PHLDB1: variants seen among roughly 807,000 people sequenced by gnomAD.
PHLDB1 encodes the protein pleckstrin homology like domain family B member 1.
Under a neutral mutation model 139.3 loss-of-function variants are expected in PHLDB1, and 65 were observed. The ratio of observed to expected loss-of-function variants is 0.47; its 90% confidence interval spans 0.38 to 0.57. The LOEUF is 0.57. Ranked by LOEUF, PHLDB1 falls within the 20% of genes least tolerant of loss-of-function variation. PHLDB1 has a pLI of 0.00. For synonymous variants in PHLDB1, 679 were observed against 734.5 expected (o/e 0.92, Z 1.22); for missense variants, 1,624 against 1,839.7 (o/e 0.88, Z 2.14).
At chr11:118,629,413 A>G (rs1424869490) in intron 6 of PHLDB1, among the ~76,000 whole-genome samples, 1 of 152,196 alleles carries the variant, frequency 6.6e-6, no homozygotes, top group Non-Finnish European at 1.5e-5. Flanking sequence ...GATTCCCCAG[A>G]TAGCTCAGGG....
In PHLDB1 at chr11:118,638,987, C is replaced by G; in HGVS notation, c.2632C>G (p.Gln878Glu). 1 of 1,613,016 alleles carries G rather than the reference C, an allele frequency of 6.2e-7. No individual in the cohort carries two copies. Among genetic ancestry groups the G allele is most frequent in the Non-Finnish European group, 8.5e-7 (1 of 1,179,284 alleles). The change falls in exon 11 of 23, where the codon CAG becomes GAG. Residue 878 changes from glutamine to glutamate, a missense_variant. By Grantham distance (29) the Gln-to-Glu change is conservative. Transcript: ENST00000600882. ...GGCCCGGGACAAGAATGCCTCCTTA[C>G]AGCTGCTGCAAAAGGTAGGGTCCCT... ...RLARDKNASL[Q>E]LLQKEKEKLT...
rs1474480676 is a variant in PHLDB1, at chr11:118,624,919, T to C, written c.356-15T>C. On this transcript the variant is annotated splice_polypyrimidine_tract_variant and intron_variant, in intron 4 of 22. Coordinates refer to ENST00000600882, the MANE Select transcript of PHLDB1 (RefSeq NM_001144758.3). ...GCCACCACACCTGGTCTTCAAGTGT[T>C]TGCTTTCTCTGCAGGCTGCATGTTG... The C allele has an allele frequency of 7.4e-6, 12 of 1,613,934 alleles. No individual in the cohort carries two copies. The highest frequency in any genetic ancestry group is 9.3e-6 in the Non-Finnish European group (11 of 1,179,872).
rs1197413784 is a variant in PHLDB1, at chr11:118,607,629, C to CCTGAGGCCGCG, written c.-84_-83insGCGCTGAGGCC. The CCTGAGGCCGCG allele has an allele frequency of 1.3e-5, 2 of 152,152 alleles. No homozygotes were observed. Among genetic ancestry groups the CCTGAGGCCGCG allele is most frequent in the East Asian group, 3.9e-4 (2 of 5,174 alleles). 9.4% of individuals were successfully genotyped at this position (152,152 alleles called of 1,614,324 possible). ...GGAAAAGCAACGGTGTCCTCCTAAG[C>CCTGAGGCCGCG]CTGAGGCCACCGCGACCGAGCCGAG... On this transcript the variant is annotated 5_prime_UTR_variant, in exon 1 of 23. Coordinates refer to ENST00000600882, the MANE Select transcript of PHLDB1 (RefSeq NM_001144758.3).
chr11:118,614,370 T>C (rs1941154370), intron 2 of PHLDB1, among the ~76,000 whole-genome samples, 189 bp from the exon 3 acceptor site: 1 of 150,628 alleles, frequency 6.6e-6, no homozygotes, highest in Admixed American at 6.7e-5. Context: ...GATGAGTTAG[T>C]GGCCTAGATT....
intron 17 of PHLDB1, chr11:118,647,664 G>A (rs556335634): frequency 2.0e-4 from 64 of 323,630 alleles, no homozygotes; most frequent in Non-Finnish European, 3.2e-4. Context: ...CAGTGAGCGA[G>A]ATAAAAAAAA....
chr11:118,645,837 C>G lies in PHLDB1; in HGVS notation c.3507+12C>G, dbSNP rs782514356. The G allele has an allele frequency of 6.3e-7, 1 of 1,576,606 alleles. No homozygotes were observed. Among genetic ancestry groups the G allele is most frequent in the Non-Finnish European group, 8.7e-7 (1 of 1,146,320 alleles). ...TCATGGAGTCGAGGGTGAGTCTGAC[C>G]TGGATCGGGGAGGCAGAAGGTGTTG... On this transcript the variant is annotated intron_variant, in intron 17 of 22. Transcript: ENST00000600882. The surrounding 1 kb of genome is among the most constrained non-coding windows in gnomAD (Gnocchi z 5.1).
rs782573001 is a variant in PHLDB1 at position 118,635,567 on chromosome 11, C to T, written c.2535+19C>T. On this transcript the variant is annotated intron_variant, in intron 10 of 22. Transcript: ENST00000600882. ...GAGGAAGGTGTGCCCCACCTCGTTC[C>T]CTGCTGCGTGCTGTTGGAGGCCAGT... 2.7e-6 allele frequency: 4 copies of T among 1,496,576 alleles called. No homozygotes were observed. Among genetic ancestry groups the T allele is most frequent in the Non-Finnish European group, 3.6e-6 (4 of 1,123,676 alleles). 92.7% of individuals were successfully genotyped at this position (1,496,576 alleles called of 1,614,324 possible). A position where few individuals can be genotyped will look rare whatever the true frequency, so the allele number is the denominator to read the frequency against.
At position 118,645,905 on chromosome 11, in the gene PHLDB1, C is replaced by A. The variant is rs1007830626; in HGVS notation, c.3507+80C>A. 1.5e-5 allele frequency: 13 copies of A among 895,386 alleles called. No individual in the cohort carries two copies. The highest frequency in any genetic ancestry group is 2.3e-5 in the Non-Finnish European group (12 of 529,048). 55.5% of individuals were successfully genotyped at this position (895,386 alleles called of 1,614,324 possible). ...CTGCATGTCAAGGGCCTGTGCTCCACCCCAAGCCCTTCCACCCACATTAGC... is the reference window on the plus strand; with the variant it reads ...CTGCATGTCAAGGGCCTGTGCTCCAACCCAAGCCCTTCCACCCACATTAGC... On this transcript the variant is annotated intron_variant, in intron 17 of 22. Coordinates refer to ENST00000600882, the MANE Select transcript of PHLDB1 (RefSeq NM_001144758.3). The surrounding 1 kb of genome is among the most constrained non-coding windows in gnomAD (Gnocchi z 5.1).
chr11:118,645,219 G>T lies in PHLDB1; in HGVS notation c.3122-137G>T. On this transcript the variant is annotated intron_variant, in intron 15 of 22. Transcript: ENST00000600882. The surrounding 1 kb of genome is among the most constrained non-coding windows in gnomAD (Gnocchi z 5.1). ...CAGGCCTGGAGCTGCAGGGGCCTTA[G>T]GGAAGCTGCGGGGAGAGGGGGCTGC... The T allele has an allele frequency of 1.7e-6, 1 of 582,552 alleles. No individual in the cohort carries two copies. The highest frequency in any genetic ancestry group is 2.8e-6 in the Non-Finnish European group (1 of 351,240). The allele number at this position is 582,552 out of a possible 1,614,324, so 36.1% of individuals were successfully genotyped here. A position where few individuals can be genotyped will look rare whatever the true frequency, so the allele number is the denominator to read the frequency against.
rs1944886859 is a variant in PHLDB1 at position 118,631,967 on chromosome 11, G to C, written c.2155G>C (p.Glu719Gln). 2 of 1,614,158 alleles carry C rather than the reference G, an allele frequency of 1.2e-6. No homozygotes were observed. The highest frequency in any genetic ancestry group is 1.7e-6 in the Non-Finnish European group (2 of 1,180,012). ...LQGEVLALEE[E>Q]RAQVLGHVEQ... The stretch of plus-strand genomic sequence containing the variant: ...GGGAGAGGTGCTAGCCCTGGAAGAA[G>C]AGCGGGCTCAGGTGCTGGGGCACGT... Residue 719 changes from glutamate (E) to glutamine (Q), a missense_variant, in exon 8 of 23, where the codon GAG becomes CAG. Glu to Gln is a conservative substitution (Grantham distance 29). Coordinates refer to ENST00000600882, the MANE Select transcript of PHLDB1 (RefSeq NM_001144758.3).
At position 118,632,959 on chromosome 11, in the gene PHLDB1, T is replaced by A; in HGVS notation, c.2379+663T>A. 8.3e-5 allele frequency: 30 copies of A among 363,362 alleles called. No individual in the cohort carries two copies. Among genetic ancestry groups the A allele is most frequent in the Non-Finnish European group, 1.1e-4 (28 of 261,302 alleles). The allele number at this position is 363,362 out of a possible 1,614,324, so 22.5% of individuals were successfully genotyped here. A position where few individuals can be genotyped will look rare whatever the true frequency, so the allele number is the denominator to read the frequency against. ...TTTTTTGAGTTTCTTCCTCCTGCCC[T>A]CAATTTTGAGAATCTTAAAAATTCT... is the stretch of plus-strand genomic sequence containing the variant. On this transcript the variant is annotated intron_variant, in intron 9 of 22. Transcript: ENST00000600882. This position sits in a 1 kb window ranked among gnomAD's most constrained non-coding sequence, Gnocchi z 5.9.
chr11:118,638,031 G>A (rs886150196), intron 10 of PHLDB1: 2 of 152,236 alleles, frequency 1.3e-5, no homozygotes, highest in Admixed American at 1.3e-4. Context: ...CAAAGAAATC[G>A]GCAATCAAGG....
At chr11:118,607,150 T>G (rs1373216567), upstream of PHLDB1, among the ~76,000 whole-genome samples, 1 of 151,584 alleles carries the variant, frequency 6.6e-6, no homozygotes, top group Non-Finnish European at 1.5e-5. Flanking sequence ...GGGCTTCGAT[T>G]TGGGAGGTTC....
intron 10 of PHLDB1, 145 bp from the exon 11 acceptor site, chr11:118,638,746 C>T: frequency 1.6e-6 from 1 of 631,350 alleles, no homozygotes. Context: ...AGCCTGTTTT[C>T]TTAGGGTGAG....
chr11:118,643,630 T>A, intron 13 of PHLDB1, 170 bp from the exon 14 acceptor site: 2 of 985,438 alleles, frequency 2.0e-6, no homozygotes, highest in Non-Finnish European at 2.4e-6. Flanking sequence ...AATTGGCAGC[T>A]GCCAATAGCA....
intron 9 of PHLDB1, 124 bp from the exon 10 acceptor site, chr11:118,635,269 G>A: frequency 4.4e-6 from 5 of 1,124,446 alleles, no homozygotes; most frequent in South Asian, 1.5e-5. Context: ...CTGGGGGGAG[G>A]CAGGTTTCTT....
Position 118,632,413 on chromosome 11 carries a change from G to A in PHLDB1, c.2379+117G>A. Reference sequence around the variant, plus strand: ...CATCATCCATTCTGCAGTACAAGTGGTCTCTGTGGCTTTCCAGAGACAGAG... The same window carrying A: ...CATCATCCATTCTGCAGTACAAGTGATCTCTGTGGCTTTCCAGAGACAGAG... On this transcript the variant is annotated intron_variant, in intron 9 of 22. Coordinates refer to ENST00000600882, the MANE Select transcript of PHLDB1 (RefSeq NM_001144758.3). The surrounding 1 kb of genome is among the most constrained non-coding windows in gnomAD (Gnocchi z 5.9). 9.4e-7 allele frequency: 1 copy of A among 1,068,944 alleles called. No individual in the cohort carries two copies. Among genetic ancestry groups the A allele is most frequent in the Non-Finnish European group, 1.4e-6 (1 of 727,218 alleles). The allele number at this position is 1,068,944 out of a possible 1,614,324, so 66.2% of individuals were successfully genotyped here. A position where few individuals can be genotyped will look rare whatever the true frequency, so the allele number is the denominator to read the frequency against.
At chr11:118,630,328 G>A (rs1191881444) in intron 6 of PHLDB1, among the ~76,000 whole-genome samples, 1 of 152,196 alleles carries the variant, frequency 6.6e-6, no homozygotes, top group Admixed American at 6.5e-5. Context: ...ATCTGGGTGG[G>A]TGTGTATGTG....
chr11:118,607,581 C>T (rs1305703828), upstream of PHLDB1: 1 of 151,154 alleles, frequency 6.6e-6, no homozygotes, highest in Non-Finnish European at 1.5e-5. Context: ...GGCTCGCTCT[C>T]CTCCTACTTA....
Sources: allele counts gnomAD v4.1 joint callset (sites outside exome capture counted in the v4.1 genomes callset), GRCh38; gene constraint gnomAD v4.1.1; non-coding constraint Gnocchi (gnomAD v3.1); transcripts MANE v1.5; gene names NCBI Gene and HGNC (gene_info 2026-07-23, HGNC 2026-07-21).